The following NIM1K variants were observed in gnomAD, a reference collection of about 807,000 sequenced individuals.
NIM1K encodes the protein serine/threonine-protein kinase NIM1.
Under a neutral mutation model 37.1 loss-of-function variants are expected in NIM1K, and 35 were observed. That is an observed-to-expected ratio of 0.94 (90% confidence interval 0.72 to 1.25). The LOEUF (loss-of-function observed/expected upper bound fraction) is 1.25. NIM1K is among the 50% of genes most tolerant of loss of function. NIM1K has a pLI of 0.00. For missense variants in NIM1K, 564 were observed against 548.0 expected (o/e 1.03, Z -0.29); for synonymous variants, 234 against 206.6 (o/e 1.13, Z -1.14).
chr5:43,216,351 G>T (rs994893413), intron 1 of NIM1K, among the ~76,000 whole-genome samples: 1 of 151,444 alleles, frequency 6.6e-6, no homozygotes, highest in Non-Finnish European at 1.5e-5. Context: ...GCTGTATCAG[G>T]AGAGAAATCA....
chr5:43,213,206 TTTCTTTC>T (rs1412187337), intron 1 of NIM1K, among the ~76,000 whole-genome samples: 2 of 49,626 alleles, frequency 4.0e-5, no homozygotes, highest in African/African-American at 1.4e-4. Context: ...TCTTTCTTTC[TTTCTTTC>T]TTTCTTTCTT....
At chr5:43,239,374 A>T (rs1275892403) in intron 1 of NIM1K, among the ~76,000 whole-genome samples, 1 of 151,496 alleles carries the variant, frequency 6.6e-6, no homozygotes, top group Non-Finnish European at 1.5e-5. Context: ...AGTAGCTAGA[A>T]TTACAGGTGC....
intron 2 of NIM1K, among the ~76,000 whole-genome samples, chr5:43,263,049 C>T (rs896509258): frequency 1.3e-5 from 2 of 152,168 alleles, no homozygotes; most frequent in Non-Finnish European, 2.9e-5. Flanking sequence ...CAATGTTCAT[C>T]AGGGATATTG....
chr5:43,193,796 TAATTCTGGTTG>T (rs1751867760), intron 1 of NIM1K: 1 of 152,206 alleles, frequency 6.6e-6, no homozygotes, highest in East Asian at 1.9e-4. Flanking sequence ...ACAGCACTTC[TAATTCTGGTTG>T]TCATGGTTAC....
At chr5:43,232,046 C>T in intron 1 of NIM1K, 1 of 1,020,180 alleles carries the variant, frequency 9.8e-7, no homozygotes, top group Non-Finnish European at 1.5e-6. Context: ...AGCATGCACA[C>T]AGCTCTCTGT....
intron 1 of NIM1K, among the ~76,000 whole-genome samples, chr5:43,242,650 C>T (rs993860994): frequency 1.3e-5 from 2 of 151,812 alleles, no homozygotes; most frequent in Admixed American, 1.3e-4. Flanking sequence ...AGTTAAAAAA[C>T]AAAAATATTT....
At chr5:43,194,018 A>C (rs1481821763) in intron 1 of NIM1K, among the ~76,000 whole-genome samples, 1 of 152,168 alleles carries the variant, frequency 6.6e-6, no homozygotes, top group Non-Finnish European at 1.5e-5. Context: ...TTTGCAGTCC[A>C]TGCAACACAG....
chr5:43,236,819 G>A (rs1055386967), intron 1 of NIM1K, among the ~76,000 whole-genome samples: 1 of 152,244 alleles, frequency 6.6e-6, no homozygotes, highest in African/African-American at 2.4e-5. Flanking sequence ...GCCCCGCTCT[G>A]AGACCAAGTA....
intron 1 of NIM1K, chr5:43,242,688 A>G (rs181282714): frequency 6.6e-6 from 1 of 152,084 alleles, no homozygotes; most frequent in African/African-American, 2.4e-5. Flanking sequence ...CCTAATTGTA[A>G]TGGTGGATTA....
At chr5:43,208,661 T>G (rs1368136403) in intron 1 of NIM1K, among the ~76,000 whole-genome samples, 2 of 151,414 alleles carry the variant, frequency 1.3e-5, no homozygotes, top group African/African-American at 4.9e-5. Flanking sequence ...TAGGGGAAAC[T>G]GGGTATGTAG....
chr5:43,211,669 A>G (rs140711574), intron 1 of NIM1K, among the ~76,000 whole-genome samples: 49 of 152,364 alleles, frequency 3.2e-4, no homozygotes, highest in Middle Eastern at 6.8e-3. Flanking sequence ...AGGGGAGATG[A>G]GAAATGAAGC....
intron 3 of NIM1K, among the ~76,000 whole-genome samples, chr5:43,279,421 G>A (rs948469812): frequency 1.3e-5 from 2 of 152,152 alleles, no homozygotes; most frequent in South Asian, 4.1e-4. Context: ...CAGGTCAAGG[G>A]TCCTCTGAAG....
intron 1 of NIM1K, among the ~76,000 whole-genome samples, chr5:43,238,379 G>T (rs928023199): frequency 6.6e-6 from 1 of 151,670 alleles, no homozygotes; most frequent in Non-Finnish European, 1.5e-5. Context: ...GCTCTTTCTT[G>T]TTGTCTGAAT....
intron 1 of NIM1K, among the ~76,000 whole-genome samples, chr5:43,234,584 T>A (rs1454474893): frequency 6.6e-6 from 1 of 151,632 alleles, no homozygotes; most frequent in Non-Finnish European, 1.5e-5. Context: ...AGGTCAGGAG[T>A]TGAAGACCAG....
At chr5:43,246,558 T>C (rs992690537) in intron 2 of NIM1K, among the ~76,000 whole-genome samples, 2 of 151,754 alleles carry the variant, frequency 1.3e-5, no homozygotes, top group Admixed American at 6.6e-5. Flanking sequence ...ATCCCCCCGA[T>C]GGGCGCTGTC....
chr5:43,211,471 A>G (rs896250546), intron 1 of NIM1K, among the ~76,000 whole-genome samples: 7 of 152,218 alleles, frequency 4.6e-5, no homozygotes, highest in African/African-American at 1.7e-4. Flanking sequence ...CACACCCACC[A>G]AGGTCTTTGG....
chr5:43,237,894 A>G (rs1323779745), intron 1 of NIM1K, among the ~76,000 whole-genome samples: 1 of 152,106 alleles, frequency 6.6e-6, no homozygotes, highest in Admixed American at 6.5e-5. Context: ...AACAGAAACC[A>G]TATGTTTTAC....
Position 43,245,083 on chromosome 5 carries a change from T to G in NIM1K, c.-693T>G, listed in dbSNP as rs1752755650. On this transcript the variant is annotated splice_region_variant and 5_prime_UTR_variant, in exon 2 of 4. Transcript: ENST00000326035. ...AAATTTCTTACTCTCTATTCTTAGG[T>G]TGAACCAGCCAAATTTTCGAGACAG... The G allele has an allele frequency of 1.3e-5, 2 of 152,256 alleles. No individual in the cohort carries two copies. The highest frequency in any genetic ancestry group is 2.9e-5 in the Non-Finnish European group (2 of 68,052). 9.4% of individuals were successfully genotyped at this position (152,256 alleles called of 1,614,324 possible).
intron 2 of NIM1K, among the ~76,000 whole-genome samples, chr5:43,271,572 G>A (rs1376464630): frequency 6.6e-6 from 1 of 152,138 alleles, no homozygotes; most frequent in African/African-American, 2.4e-5. Flanking sequence ...GAGACCACAT[G>A]TACCATTTAC....
Sources: allele counts gnomAD v4.1 joint callset (sites outside exome capture counted in the v4.1 genomes callset), GRCh38; gene constraint gnomAD v4.1.1; transcripts MANE v1.5; gene names NCBI Gene and HGNC (gene_info 2026-07-23, HGNC 2026-07-21).